PCDHGB4: variants seen among roughly 807,000 people sequenced by gnomAD.
The protein encoded by PCDHGB4 is protocadherin gamma-B4.
Under a neutral mutation model 60.5 loss-of-function variants are expected in PCDHGB4, and 38 were observed. The ratio of observed to expected loss-of-function variants is 0.63; its 90% CI spans 0.48 to 0.82. PCDHGB4 has a LOEUF of 0.82. PCDHGB4 is among the 40% of genes least tolerant of loss of function. The pLI, the probability that PCDHGB4 is intolerant of heterozygous loss-of-function variation, is 0.00. For missense variants in PCDHGB4, 1,109 were observed against 1,209.6 expected, an observed-to-expected ratio of 0.92 and a Z score of 1.23; for synonymous variants, 456 against 509.7, an observed-to-expected ratio of 0.89 and a Z score of 1.42.
At chr5:141,409,039 C>A (rs2095214342) in intron 1 of PCDHGB4, 1 of 1,614,004 alleles carries the variant, frequency 6.2e-7, no homozygotes, top group Non-Finnish European at 8.5e-7. Flanking sequence ...AGATAAACTA[C>A]TACTTCCGAA....
rs572892456 is a variant in PCDHGB4, at chr5:141,427,959, C to T, written c.2397+37678C>T. On this transcript the variant is annotated intron_variant, in intron 1 of 3. Coordinates refer to ENST00000519479, the MANE Select transcript of PCDHGB4 (RefSeq NM_003736.4). Reference sequence around the variant, plus strand: ...GGGCGACCTCAATGACAATGTGCCGCGGGTGCTGTACCCCGCGCTGGGGCC... The same window carrying T: ...GGGCGACCTCAATGACAATGTGCCGTGGGTGCTGTACCCCGCGCTGGGGCC... 3.8e-6 allele frequency: 6 copies of T among 1,588,886 alleles called. No individual in the cohort carries two copies. The East Asian group carries it at 1.1e-4, about 30-fold the overall frequency.
chr5:141,427,819 T>C, intron 1 of PCDHGB4: 1 of 1,531,664 alleles, frequency 6.5e-7, no homozygotes, highest in Non-Finnish European at 8.9e-7. Context: ...AGCGGGGTGG[T>C]GGTCGCGCAG....
chr5:141,404,909 CCT>C (rs1243432357), intron 1 of PCDHGB4: 1 of 1,613,798 alleles, frequency 6.2e-7, no homozygotes, highest in Admixed American at 1.7e-5. Flanking sequence ...TGGCCAGCCC[CCT>C]CTCTCGGCCA....
At chr5:141,392,242 G>T (rs1294476832) in intron 1 of PCDHGB4, 1 of 152,134 alleles carries the variant, frequency 6.6e-6, no homozygotes, top group Non-Finnish European at 1.5e-5. Context: ...TTAGTTATTT[G>T]TTAGTATATA....
At chr5:141,409,515 T>G (rs1273041163) in intron 1 of PCDHGB4, 1 of 1,613,844 alleles carries the variant, frequency 6.2e-7, no homozygotes, top group Non-Finnish European at 8.5e-7. Context: ...AGTAGAAGCA[T>G]CACCTTGTAT....
intron 3 of PCDHGB4, among the ~76,000 whole-genome samples, chr5:141,510,378 C>A (rs919650449): frequency 6.6e-6 from 1 of 151,786 alleles, no homozygotes; most frequent in East Asian, 2.0e-4. Flanking sequence ...TCTACTCGTG[C>A]CAGGCCTTGC....
At chr5:141,455,860 A>ATTATTTAT (rs145569377) in intron 1 of PCDHGB4, among the ~76,000 whole-genome samples, 155 of 139,844 alleles carry the variant, frequency 1.1e-3, no homozygotes, top group Non-Finnish European at 1.5e-3. Flanking sequence ...AATTTCTTTT[A>ATTATTTAT]TTATTTATTT....
chr5:141,398,654 C>G, intron 1 of PCDHGB4: 1 of 1,613,998 alleles, frequency 6.2e-7, no homozygotes, highest in South Asian at 1.1e-5. Context: ...TCTCTTAACC[C>G]AAGTTTCTCA....
chr5:141,457,997 G>A (rs2098934533), intron 1 of PCDHGB4, among the ~76,000 whole-genome samples: 1 of 152,152 alleles, frequency 6.6e-6, no homozygotes, highest in Non-Finnish European at 1.5e-5. Context: ...TAAAGCCTTG[G>A]CAAAATAACC....
At chr5:141,400,227 C>T in intron 1 of PCDHGB4, 1 of 1,614,052 alleles carries the variant, frequency 6.2e-7, no homozygotes, top group Middle Eastern at 1.6e-4. Flanking sequence ...TGCTCTTCCT[C>T]CTGGCCGTGA....
chr5:141,405,599 A>G, intron 1 of PCDHGB4: 2 of 575,638 alleles, frequency 3.5e-6, no homozygotes, highest in South Asian at 4.5e-5. Flanking sequence ...CCTCCCAAGT[A>G]GAATAACTGG....
At chr5:141,417,874 C>G in intron 1 of PCDHGB4, 9 of 1,555,320 alleles carry the variant, frequency 5.8e-6, no homozygotes, top group Non-Finnish European at 7.8e-6. Context: ...GAGGGAGCTG[C>G]GCGCAGAGGC....
intron 1 of PCDHGB4, chr5:141,409,940 C>T (rs1368587420): frequency 1.2e-5 from 19 of 1,613,118 alleles, no homozygotes; most frequent in Non-Finnish European, 1.6e-5. Context: ...TATGGTACCT[C>T]GCTCTGCAGA....
At position 141,432,669 on chromosome 5, in the gene PCDHGB4, C is replaced by T. The variant is rs777314784; in HGVS notation, c.2397+42388C>T. ...GCGCGAGCCCTGCTGGACAGAGACG[C>T]GCTCAAGCAGAGCCTCGTAGTGGCC... On this transcript the variant is annotated intron_variant, in intron 1 of 3. Transcript: ENST00000519479. This position sits in a 1 kb window ranked among gnomAD's most constrained non-coding sequence, Gnocchi z 6.0. 1 of 1,613,894 alleles carries T rather than the reference C, an allele frequency of 6.2e-7. No homozygotes were observed.
intron 1 of PCDHGB4, chr5:141,423,302 T>G (rs1221185261): frequency 6.2e-7 from 1 of 1,614,144 alleles, no homozygotes. Context: ...GACCTCTCGC[T>G]GTACTTGGTG....
At chr5:141,417,897 C>T (rs2096182334) in intron 1 of PCDHGB4, 1 of 1,578,084 alleles carries the variant, frequency 6.3e-7, no homozygotes, top group African/African-American at 1.4e-5. Context: ...CGGGCCGGCC[C>T]GCGGCAGGTA....
Position 141,409,527 on chromosome 5 carries a change from T to A in PCDHGB4, c.2397+19246T>A. 1 of 1,613,970 alleles carries A rather than the reference T, an allele frequency of 6.2e-7. No homozygotes were observed. Among genetic ancestry groups the A allele is most frequent in the South Asian group, 1.1e-5 (1 of 91,084 alleles). ...TCCAGTAGAAGCATCACCTTGTATGTCGCTGACATCAACGACAACGCCCCA... is the reference window on the plus strand; with the variant it reads ...TCCAGTAGAAGCATCACCTTGTATGACGCTGACATCAACGACAACGCCCCA... On this transcript the variant is annotated intron_variant, in intron 1 of 3. Coordinates refer to ENST00000519479, the MANE Select transcript of PCDHGB4 (RefSeq NM_003736.4).
intron 1 of PCDHGB4, chr5:141,403,131 C>T: frequency 5.6e-6 from 9 of 1,614,034 alleles, no homozygotes; most frequent in Non-Finnish European, 6.8e-6. Context: ...CGGGAGCTGG[C>T]GGAGCGCCGA....
intron 3 of PCDHGB4, among the ~76,000 whole-genome samples, chr5:141,509,596 G>A (rs538867815): frequency 1.3e-5 from 2 of 152,258 alleles, no homozygotes; most frequent in Admixed American, 6.5e-5. Context: ...TGGCAATTCC[G>A]AGAGGCTGCA....
Sources: gnomAD v4.1 joint callset for allele counts (sites outside exome capture counted in the v4.1 genomes callset) on GRCh38, gnomAD v4.1.1 for gene constraint, Gnocchi (gnomAD v3.1) non-coding constraint, MANE v1.5 for transcripts, NCBI Gene and HGNC (gene_info 2026-07-23, HGNC 2026-07-21) for gene names.